The following ADCY9 variants were observed in gnomAD, a reference collection of about 807,000 sequenced individuals.
The protein encoded by ADCY9 is adenylate cyclase 9.
Under a neutral mutation model 101.5 loss-of-function variants are expected in ADCY9, and 50 were observed. That is an observed-to-expected ratio of 0.49 (90% CI 0.39 to 0.62). The LOEUF is 0.62. Among genes scored for constraint, ADCY9 ranks in the 20% least tolerant of loss-of-function variants. ADCY9 has a pLI of 0.00. For missense variants in ADCY9, 1,662 were observed against 1,800.4 expected, an observed-to-expected ratio of 0.92 and a Z score of 1.39; for synonymous variants, 905 against 769.3, an observed-to-expected ratio of 1.18 and a Z score of -2.92.
intron 6 of ADCY9, chr16:3,983,809 C>G (rs1462621180): frequency 4.5e-6 from 1 of 220,862 alleles, no homozygotes; most frequent in East Asian, 1.1e-4. Context: ...AGTGTGGTCC[C>G]AGCTACTCAG....
chr16:3,995,498 G>A (rs4785947), intron 3 of ADCY9, among the ~76,000 whole-genome samples: 29,599 of 151,936 alleles, frequency 0.19, 3,687 homozygotes, highest in Non-Finnish European at 0.27. Flanking sequence ...CAGTATACCC[G>A]TAATAAACTT....
At chr16:3,996,299 C>CTG (rs1266361816) in intron 3 of ADCY9, among the ~76,000 whole-genome samples, 3 of 152,196 alleles carry the variant, frequency 2.0e-5, no homozygotes, top group Non-Finnish European at 4.4e-5. Flanking sequence ...GAAGTCAAGG[C>CTG]TGCAGTGCAC....
chr16:4,095,280 C>G (rs144725715), intron 2 of ADCY9, among the ~76,000 whole-genome samples: 28 of 152,304 alleles, frequency 1.8e-4, no homozygotes, highest in African/African-American at 6.5e-4. Flanking sequence ...CGATTACAGG[C>G]GTGAGCCACC....
intron 5 of ADCY9, among the ~76,000 whole-genome samples, chr16:3,991,765 A>T (rs1292103314): frequency 3.7e-4 from 7 of 18,782 alleles, no homozygotes; most frequent in Admixed American, 8.4e-4. Flanking sequence ...AGTCCTTATA[A>T]AAAAAAAAAA....
chr16:4,022,312 T>C (rs1444182858), intron 2 of ADCY9, among the ~76,000 whole-genome samples: 1 of 151,804 alleles, frequency 6.6e-6, no homozygotes, highest in African/African-American at 2.4e-5. Flanking sequence ...GCCAACATGG[T>C]GAAACCCCAT....
At chr16:3,994,017 G>T (rs1371158647) in intron 3 of ADCY9, among the ~76,000 whole-genome samples, 1 of 152,122 alleles carries the variant, frequency 6.6e-6, no homozygotes, top group Non-Finnish European at 1.5e-5. Context: ...GGGGCGTGGG[G>T]TTTGCTACGA....
chr16:4,008,518 C>T (rs1190852311), intron 2 of ADCY9, among the ~76,000 whole-genome samples: 1 of 151,476 alleles, frequency 6.6e-6, no homozygotes, highest in East Asian at 1.9e-4. Flanking sequence ...TTATTTCAGG[C>T]CTAGTGTATG....
chr16:3,967,968 G>A (rs940743409), intron 10 of ADCY9, among the ~76,000 whole-genome samples: 2 of 152,110 alleles, frequency 1.3e-5, no homozygotes, highest in African/African-American at 2.4e-5. Flanking sequence ...TGGGATTACA[G>A]GTGTGAGCCA....
rs1479130043 is a variant in ADCY9, at chr16:4,115,906, G to T, written c.-260C>A. 1.3e-5 allele frequency: 5 copies of T among 392,502 alleles called. No homozygotes were observed. Among genetic ancestry groups the T allele is most frequent in the African/African-American group, 6.2e-5 (3 of 48,244 alleles). The allele number at this position is 392,502 out of a possible 1,614,324, so 24.3% of individuals were successfully genotyped here. On this transcript the variant is annotated 5_prime_UTR_variant, in exon 1 of 11. Transcript: ENST00000294016. This position sits in a 1 kb window ranked among gnomAD's most constrained non-coding sequence, Gnocchi z 6.2. ...CCTGCGCACAAACAACTCCGCTGGC[G>T]GCGCGGAGCCCTCCATCCTGCAGGA...
rs527664284 is a variant in ADCY9, at chr16:4,029,902, C to T, written c.1694-22344G>A. 7.2e-5 allele frequency among the ~76,000 whole-genome samples: 11 copies of T among 152,268 alleles called. No individual in the cohort carries two copies. The East Asian group carries it at 2.1e-3, about 29-fold the overall frequency. On this transcript the variant is annotated intron_variant, in intron 2 of 10. Transcript: ENST00000294016. ...GAAAAGACACTCAGCCAGGGAACTG[C>T]AAATCAAATACAGAATCACAAATGA...
chr16:3,962,748 A>T lies in ADCY9; in HGVS notation c.*3027T>A, dbSNP rs1160945704. ...TTAAAAAGAGCAGATAAAAGGATAT[A>T]TGGAAAATGCAAACAGTCGGTTCTT... On this transcript the variant is annotated 3_prime_UTR_variant, in exon 11 of 11. Coordinates refer to ENST00000294016, the MANE Select transcript of ADCY9 (RefSeq NM_001116.4). The T allele has an allele frequency of 6.6e-6, 1 of 152,374 alleles. No individual in the cohort carries two copies. The highest frequency in any genetic ancestry group is 1.5e-5 in the Non-Finnish European group (1 of 68,046). The allele number at this position is 152,374 out of a possible 1,614,324, so 9.4% of individuals were successfully genotyped here. A position where few individuals can be genotyped will look rare whatever the true frequency, so the allele number is the denominator to read the frequency against.
chr16:3,968,220 C>A (rs952185664), intron 10 of ADCY9, among the ~76,000 whole-genome samples: 2 of 151,914 alleles, frequency 1.3e-5, no homozygotes, highest in African/African-American at 4.8e-5. Flanking sequence ...ACAACCTCCG[C>A]CTCCCGGGTT....
intron 2 of ADCY9, among the ~76,000 whole-genome samples, chr16:4,100,176 ACTCT>A (rs892007575): frequency 2.0e-5 from 3 of 150,176 alleles, no homozygotes; most frequent in African/African-American, 4.9e-5. Context: ...TCTCTCTCTC[ACTCT>A]CTCTCTCTCC....
chr16:3,992,440 C>A lies in ADCY9; in HGVS notation c.1990-77G>T. ...ACTGGGCACACACGCCTGTCCCACC[C>A]CGACCTCCGCTGCGGGGCGCTGCTG... On this transcript the variant is annotated intron_variant, in intron 4 of 10. Coordinates refer to ENST00000294016, the MANE Select transcript of ADCY9 (RefSeq NM_001116.4). The surrounding 1 kb of genome is among the most constrained non-coding windows in gnomAD (Gnocchi z 4.2). The A allele has an allele frequency of 1.5e-6, 2 of 1,362,918 alleles. No individual in the cohort carries two copies. The highest frequency in any genetic ancestry group is 1.4e-5 in the African/African-American group (1 of 69,490). The allele number at this position is 1,362,918 out of a possible 1,614,324, so 84.4% of individuals were successfully genotyped here.
rs189908930 is a variant in ADCY9 at position 3,996,484 on chromosome 16, A to G, written c.1885-2974T>C. ...TAGGTGTGCCTGATACCCATGCCTAAAAGATGCCTGAGGGAACTCTCTGGT... is the reference window on the plus strand; with the variant it reads ...TAGGTGTGCCTGATACCCATGCCTAGAAGATGCCTGAGGGAACTCTCTGGT... On this transcript the variant is annotated intron_variant, in intron 3 of 10. Coordinates refer to ENST00000294016, the MANE Select transcript of ADCY9 (RefSeq NM_001116.4). 2.6e-5 allele frequency among the ~76,000 whole-genome samples: 4 copies of G among 152,304 alleles called. No homozygotes were observed. In the East Asian group the frequency reaches 7.7e-4, roughly 29 times the overall value.
chr16:3,986,289 G>C (rs2056192679), intron 6 of ADCY9, among the ~76,000 whole-genome samples: 1 of 152,172 alleles, frequency 6.6e-6, no homozygotes, highest in Non-Finnish European at 1.5e-5. Context: ...CCAAACGCGG[G>C]CCAGCTGGGA....
At chr16:4,031,336 A>C (rs2056553838) in intron 2 of ADCY9, among the ~76,000 whole-genome samples, 1 of 152,188 alleles carries the variant, frequency 6.6e-6, no homozygotes. Context: ...AGCAAAGAAA[A>C]AAGAGGACAA....
Position 3,983,252 on chromosome 16 carries a change from C to A in ADCY9, c.2499G>T (p.Leu833=), listed in dbSNP as rs1394273563. 39 of 1,551,496 alleles carry A rather than the reference C, an allele frequency of 2.5e-5. No individual in the cohort carries two copies. Among genetic ancestry groups the A allele is most frequent in the Non-Finnish European group, 3.2e-5 (37 of 1,147,330 alleles). The change falls in exon 7 of 11, where the codon CTG becomes CTT. Residue 833 remains leucine (L), a synonymous_variant. Transcript: ENST00000294016. ...VFSAALLLEV[L]SLAVSIRMVF... is the part of the protein sequence containing the mutation. ...CTTACCTGATGGACACCGCGAGGGACAGCACCTCCAGCAGCAGGGCTGCAC... is the reference window on the plus strand; with the variant it reads ...CTTACCTGATGGACACCGCGAGGGAAAGCACCTCCAGCAGCAGGGCTGCAC...
chr16:4,115,106 G>C lies in ADCY9; in HGVS notation c.337C>G (p.Gln113Glu), dbSNP rs1370031476. 6.2e-7 allele frequency: 1 copy of C among 1,613,894 alleles called. No homozygotes were observed. The highest frequency in any genetic ancestry group is 2.2e-5 in the East Asian group (1 of 44,868). ...AAGAGCGCATACCGGAACCGGCGCT[G>C]GGTCTGCGGGAAGCAGCGCTCCAGG... is the stretch of plus-strand genomic sequence containing the variant. Reference protein sequence around the residue: ...ACLERCFPQTQRRFRYALFYI... With the variant: ...ACLERCFPQTERRFRYALFYI... Residue 113 changes from glutamine to glutamate, a missense_variant, in exon 2 of 11, where the codon CAG becomes GAG. Transcript: ENST00000294016. The surrounding 1 kb of genome is among the most constrained non-coding windows in gnomAD (Gnocchi z 6.2).
Sources: gnomAD v4.1 joint callset for allele counts (sites outside exome capture counted in the v4.1 genomes callset) on GRCh38, gnomAD v4.1.1 for gene constraint, Gnocchi (gnomAD v3.1) non-coding constraint, MANE v1.5 for transcripts, NCBI Gene and HGNC (gene_info 2026-07-23, HGNC 2026-07-21) for gene names.